The following WASF3 variants were observed in gnomAD, a reference collection of about 807,000 sequenced individuals.
The protein encoded by WASF3 is WASP family member 3, also known as actin-binding protein WASF3.
WASF3 carries 11 observed loss-of-function variants against 46.6 expected under a neutral mutation model. The observed-to-expected ratio is 0.24, with a 90% CI of 0.15 to 0.39. WASF3 has a LOEUF of 0.39. Among genes scored for constraint, WASF3 ranks in the 10% least tolerant of loss-of-function variants. WASF3 has a pLI of 1.00. For missense variants in WASF3, 576 were observed against 669.8 expected (o/e 0.86, Z 1.55); for synonymous variants, 242 against 259.7 (o/e 0.93, Z 0.65).
In WASF3 at chr13:26,578,993, C is replaced by CTT. The variant is rs200299739; in HGVS notation, c.-109+21196_-109+21197dup. Among the ~76,000 whole-genome samples the CTT allele has an allele frequency of 8.0e-3, 485 of 60,562 alleles. 52 individuals carry two copies. The highest frequency in any genetic ancestry group is 0.016 in the African/African-American group (203 of 13,008). 39.7% of individuals were successfully genotyped at this position (60,562 alleles called of 152,430 possible). Reference sequence around the variant, plus strand: ...ACCTTATATTCTTGGGATACATTTCCTTTTTTTTTTTTTTTTTTTTTTTGT... The same window carrying CTT: ...ACCTTATATTCTTGGGATACATTTCCTTTTTTTTTTTTTTTTTTTTTTTTTGT... On this transcript the variant is annotated intron_variant, in intron 1 of 9. Transcript: ENST00000335327.
intron 1 of WASF3, among the ~76,000 whole-genome samples, chr13:26,591,419 G>A (rs1249279123): frequency 6.6e-6 from 1 of 152,094 alleles, no homozygotes; most frequent in Non-Finnish European, 1.5e-5. Flanking sequence ...TTGAGGTGGG[G>A]GAAGCAGTAG....
At chr13:26,607,671 G>A (rs1426999753) in intron 1 of WASF3, among the ~76,000 whole-genome samples, 3 of 151,478 alleles carry the variant, frequency 2.0e-5, no homozygotes, top group East Asian at 1.9e-4. Context: ...TTGCTCTGTC[G>A]CCCAGACTGG....
intron 3 of WASF3, among the ~76,000 whole-genome samples, chr13:26,653,773 G>A (rs748619656): frequency 8.5e-5 from 13 of 152,176 alleles, no homozygotes; most frequent in Non-Finnish European, 8.8e-5. Flanking sequence ...GTTCAAATGT[G>A]TGTCTTCAGT....
At chr13:26,541,635 C>A in the WASF3 span, among the ~76,000 whole-genome samples, 2,093 of 126,592 alleles carry the variant, frequency 0.017, 57 homozygotes, top group African/African-American at 0.052. Flanking sequence ...TTCTATATCC[C>A]GGAAGCCCAC....
At chr13:26,544,339 A>G in the WASF3 span, among the ~76,000 whole-genome samples, 3 of 152,266 alleles carry the variant, frequency 2.0e-5, no homozygotes, top group East Asian at 5.8e-4. Flanking sequence ...CATAAGATGC[A>G]TAGTAAGATG....
At chr13:26,565,385 A>C (rs1217822083) in intron 1 of WASF3, among the ~76,000 whole-genome samples, 1 of 152,094 alleles carries the variant, frequency 6.6e-6, no homozygotes, top group East Asian at 1.9e-4. Flanking sequence ...TAGAATGGGA[A>C]GGAAGAGACT....
At chr13:26,547,347 T>C in the WASF3 span, among the ~76,000 whole-genome samples, 1 of 151,754 alleles carries the variant, frequency 6.6e-6, no homozygotes, top group Middle Eastern at 3.4e-3. Flanking sequence ...AGTTTACCCC[T>C]TCAGTCTAAT....
At chr13:26,645,102 G>A (rs540672935) in intron 3 of WASF3, among the ~76,000 whole-genome samples, 1 of 152,340 alleles carries the variant, frequency 6.6e-6, no homozygotes, top group African/African-American at 2.4e-5. Context: ...GAATGTTTGT[G>A]TCTCCCAACA....
At chr13:26,652,125 C>G (rs557984830) in intron 3 of WASF3, among the ~76,000 whole-genome samples, 19 of 152,076 alleles carry the variant, frequency 1.2e-4, no homozygotes, top group Admixed American at 9.8e-4. Flanking sequence ...CAGAGATTAT[C>G]AGGTTAAATT....
chr13:26,560,636 A>T (rs931961485), intron 1 of WASF3, among the ~76,000 whole-genome samples: 14 of 152,340 alleles, frequency 9.2e-5, no homozygotes, highest in African/African-American at 3.4e-4. Context: ...GTGCAGTGTG[A>T]TAAGTACCAT....
intron 6 of WASF3, among the ~76,000 whole-genome samples, chr13:26,675,288 A>G (rs944375741): frequency 1.3e-5 from 2 of 152,040 alleles, no homozygotes; most frequent in Non-Finnish European, 2.9e-5. Context: ...ATTCACCCCA[A>G]TGTACCATTT....
intron 1 of WASF3, among the ~76,000 whole-genome samples, chr13:26,595,680 C>T (rs539223875): frequency 6.6e-6 from 1 of 152,320 alleles, no homozygotes; most frequent in South Asian, 2.1e-4. Context: ...TTCCTTGTCC[C>T]TGGCCCCTGT....
chr13:26,653,008 C>T (rs1194058320), intron 3 of WASF3, among the ~76,000 whole-genome samples: 2 of 152,132 alleles, frequency 1.3e-5, no homozygotes, highest in African/African-American at 4.8e-5. Context: ...CACCTCGCAC[C>T]TCCCCACTCT....
intron 1 of WASF3, among the ~76,000 whole-genome samples, chr13:26,568,796 A>G (rs1566037412): frequency 6.6e-6 from 1 of 152,190 alleles, no homozygotes; most frequent in Non-Finnish European, 1.5e-5. Context: ...GTACCATAGG[A>G]CTGTAGAAAA....
chr13:26,584,075 T>C (rs540206886), intron 1 of WASF3, among the ~76,000 whole-genome samples: 55 of 152,310 alleles, frequency 3.6e-4, no homozygotes, highest in African/African-American at 1.3e-3. Flanking sequence ...AGATACGCAA[T>C]TGGTTTTGCA....
chr13:26,669,738 T>G (rs917595123), intron 5 of WASF3, among the ~76,000 whole-genome samples: 2 of 152,166 alleles, frequency 1.3e-5, no homozygotes, highest in Non-Finnish European at 2.9e-5. Context: ...GGTCTCAAAC[T>G]CCTGACCTCA....
At chr13:26,584,570 T>A (rs528906407) in intron 1 of WASF3, among the ~76,000 whole-genome samples, 44 of 152,328 alleles carry the variant, frequency 2.9e-4, no homozygotes, top group African/African-American at 1.0e-3. Flanking sequence ...GGATGGCTTA[T>A]TGGAGTTGAC....
chr13:26,544,695 T>G, the WASF3 span, among the ~76,000 whole-genome samples: 1 of 152,206 alleles, frequency 6.6e-6, no homozygotes, highest in Non-Finnish European at 1.5e-5. Context: ...GCTGTATTGG[T>G]CAGAGTAAAC....
chr13:26,651,901 G>A (rs1402841719), intron 3 of WASF3, among the ~76,000 whole-genome samples: 1 of 152,008 alleles, frequency 6.6e-6, no homozygotes, highest in Non-Finnish European at 1.5e-5. Flanking sequence ...ATGAGTTAAG[G>A]GTACATAGTA....
Sources: allele counts gnomAD v4.1 joint callset (sites outside exome capture counted in the v4.1 genomes callset), GRCh38; gene constraint gnomAD v4.1.1; transcripts MANE v1.5; gene names NCBI Gene and HGNC (gene_info 2026-07-23, HGNC 2026-07-21).